Variants in SAMD3 observed in about 807,000 individuals in gnomAD.
SAMD3 encodes the protein sterile alpha motif domain containing 3.
A neutral mutation model predicts 58.5 loss-of-function variants in SAMD3; 63 were observed. That is an observed-to-expected ratio of 1.08 (90% CI 0.88 to 1.33). The LOEUF (loss-of-function observed/expected upper bound fraction) is 1.33. Among genes scored for constraint, SAMD3 ranks in the 40% most tolerant of loss-of-function variants. SAMD3 has a pLI of 0.00. For missense variants in SAMD3, 604 were observed against 608.4 expected, an observed-to-expected ratio of 0.99 and a Z score of 0.08; for synonymous variants, 220 against 210.3, an observed-to-expected ratio of 1.05 and a Z score of -0.40.
chr6:130,188,538 T>C (rs1793218281), intron 5 of SAMD3, among the ~76,000 whole-genome samples: 1 of 152,214 alleles, frequency 6.6e-6, no homozygotes, highest in Non-Finnish European at 1.5e-5. Context: ...CATTACCCTG[T>C]AGATTCGGCT....
intron 1 of SAMD3, among the ~76,000 whole-genome samples, chr6:130,314,305 AAG>A (rs1776285824): frequency 6.6e-6 from 1 of 152,228 alleles, no homozygotes; most frequent in Admixed American, 6.5e-5. Flanking sequence ...TATAGCCCTT[AAG>A]AGGCCCTGAA....
At chr6:130,270,841 CACTT>C (rs1774532753) in intron 2 of SAMD3, among the ~76,000 whole-genome samples, 3 of 152,212 alleles carry the variant, frequency 2.0e-5, no homozygotes, top group East Asian at 1.9e-4. Context: ...CTGCAGGAAA[CACTT>C]ACATACATAT....
At chr6:130,237,878 C>T (rs544313827) in intron 2 of SAMD3, among the ~76,000 whole-genome samples, 22 of 152,016 alleles carry the variant, frequency 1.4e-4, no homozygotes, top group Non-Finnish European at 2.1e-4. Flanking sequence ...TTAAAAGGAA[C>T]GCAAATGTAG....
chr6:130,345,887 C>T (rs1777435074), intron 1 of SAMD3, among the ~76,000 whole-genome samples: 1 of 152,180 alleles, frequency 6.6e-6, no homozygotes, highest in African/African-American at 2.4e-5. Context: ...GTCATTGTGC[C>T]TGTTCCCAAA....
At chr6:130,227,386 C>A (rs747889237), upstream of SAMD3, among the ~76,000 whole-genome samples, 12 of 152,130 alleles carry the variant, frequency 7.9e-5, no homozygotes, top group Admixed American at 3.3e-4. Flanking sequence ...GACATTTGGG[C>A]TTTTTCAATC....
At position 130,244,746 on chromosome 6, in the gene SAMD3, AAT is replaced by A. The variant is rs1362825726; in HGVS notation, c.-187-21935_-187-21934del. Among the ~76,000 whole-genome samples the A allele has an allele frequency of 1.3e-4, 6 of 47,158 alleles. No homozygotes were observed. In the African/African-American group the frequency reaches 1.4e-3, roughly 11 times the overall value. 30.9% of individuals were successfully genotyped at this position (47,158 alleles called of 152,430 possible). A position where few individuals can be genotyped will look rare whatever the true frequency, so the allele number is the denominator to read the frequency against. ...CAGGACGAGCCTGTCTCAAAAAAAA[AAT>A]AAAAATAAAAATAAAAATAAAAATA... On this transcript the variant is annotated intron_variant, in intron 2 of 13. Coordinates refer to the SAMD3 transcript ENST00000368134.
intron 2 of SAMD3, among the ~76,000 whole-genome samples, chr6:130,284,479 AGAGAG>A (rs1775091290): frequency 6.6e-6 from 1 of 151,988 alleles, no homozygotes; most frequent in Non-Finnish European, 1.5e-5. Flanking sequence ...AATCTGAAAA[AGAGAG>A]AGAGAGGGAG....
At chr6:130,242,590 AG>A (rs1278032506) in intron 2 of SAMD3, among the ~76,000 whole-genome samples, 2 of 152,218 alleles carry the variant, frequency 1.3e-5, no homozygotes, top group Non-Finnish European at 2.9e-5. Flanking sequence ...TGATGTTCAC[AG>A]GGAGGACCTC....
intron 1 of SAMD3, among the ~76,000 whole-genome samples, chr6:130,318,052 A>G (rs1776445106): frequency 6.6e-6 from 1 of 152,208 alleles, no homozygotes; most frequent in Non-Finnish European, 1.5e-5. Context: ...ACTGATCAAC[A>G]CATGCATGTT....
chr6:130,238,742 A>G (rs952504797), intron 2 of SAMD3, among the ~76,000 whole-genome samples: 1 of 152,008 alleles, frequency 6.6e-6, no homozygotes, highest in South Asian at 2.1e-4. Flanking sequence ...GATGGGAGAA[A>G]TGTTCTTAGT....
At chr6:130,154,182 T>G (rs1381994371) in intron 9 of SAMD3, among the ~76,000 whole-genome samples, 1 of 150,820 alleles carries the variant, frequency 6.6e-6, no homozygotes, top group Admixed American at 6.7e-5. Context: ...GACAGAGAAC[T>G]CTTTAGTTCT....
In SAMD3 at chr6:130,222,296, C is replaced by T. The variant is rs1796257097; in HGVS notation, c.-68+398G>A. On this transcript the variant is annotated intron_variant, in intron 1 of 11. Coordinates refer to ENST00000439090, the MANE Select transcript of SAMD3 (RefSeq NM_001017373.4). ...TGTGCCATAGCAATGGTCCGAATAGCAAATAAATTGGACAGATAAAATTTC... is the reference window on the plus strand; with the variant it reads ...TGTGCCATAGCAATGGTCCGAATAGTAAATAAATTGGACAGATAAAATTTC... Among the ~76,000 whole-genome samples, 3 of 152,110 alleles carry T rather than the reference C, an allele frequency of 2.0e-5. No individual in the cohort carries two copies. The South Asian group carries it at 6.2e-4, about 32-fold the overall frequency.
chr6:130,269,442 G>T (rs6569671), intron 2 of SAMD3, among the ~76,000 whole-genome samples: 73,205 of 151,936 alleles, frequency 0.48, 21,083 homozygotes, highest in African/African-American at 0.81. Flanking sequence ...TTTATTTCAG[G>T]AGTTTGTGAT....
rs758222319 is a variant in SAMD3 at position 130,184,534 on chromosome 6, C to T, written c.473G>A (p.Cys158Tyr). The change falls in exon 6 of 12, where the codon TGC becomes TAC. Residue 158 changes from cysteine (C) to tyrosine (Y), a missense_variant. Transcript: ENST00000439090. ...CGGGCACTTCTGCTCTGCTAACATG[C>T]ATTTGACATCATAGGGAAACTCTGG... The part of the protein sequence containing the change: ...VLPEFPYDVK[C>Y]MLAEQKCPDH... 1.2e-6 allele frequency: 2 copies of T among 1,614,110 alleles called. No homozygotes were observed. Among genetic ancestry groups the T allele is most frequent in the Non-Finnish European group, 1.7e-6 (2 of 1,179,954 alleles).
intron 2 of SAMD3, among the ~76,000 whole-genome samples, chr6:130,297,813 C>A (rs559519217): frequency 4.6e-5 from 7 of 152,238 alleles, no homozygotes; most frequent in African/African-American, 1.7e-4. Flanking sequence ...CTTTTGAATT[C>A]ACCCAGTCAG....
chr6:130,179,868 C>T (rs1422280555), intron 7 of SAMD3, among the ~76,000 whole-genome samples: 2 of 130,888 alleles, frequency 1.5e-5, no homozygotes, highest in Non-Finnish European at 3.1e-5. Context: ...GGCTAGAGTA[C>T]GACGACACTG....
At position 130,337,380 on chromosome 6, in the gene SAMD3, C is replaced by T. The variant is rs115157188; in HGVS notation, c.-303-24287G>A. Among the ~76,000 whole-genome samples, 133 of 152,272 alleles carry T rather than the reference C, an allele frequency of 8.7e-4. 1 individual carries two copies. The highest frequency in any genetic ancestry group is 3.1e-3 in the African/African-American group (127 of 41,544). On this transcript the variant is annotated intron_variant, in intron 1 of 13. Coordinates refer to the SAMD3 transcript ENST00000368134. Reference sequence around the variant, plus strand: ...CATGCAGAACTGTCAGTCAATAAGACGTGTCATAAAATGAGTCAATAAACC... The same window carrying T: ...CATGCAGAACTGTCAGTCAATAAGATGTGTCATAAAATGAGTCAATAAACC...
Position 130,336,172 on chromosome 6 carries a change from C to A in SAMD3, c.-303-23079G>T, listed in dbSNP as rs566416060. On this transcript the variant is annotated intron_variant, in intron 1 of 13. Coordinates refer to the SAMD3 transcript ENST00000368134. Reference sequence around the variant, plus strand: ...TAAAACTTAAAGTATAATAATAATACAATAAAATTTAAAAATTTAGTAATA... The same window carrying A: ...TAAAACTTAAAGTATAATAATAATAAAATAAAATTTAAAAATTTAGTAATA... 6.6e-5 allele frequency among the ~76,000 whole-genome samples: 10 copies of A among 152,026 alleles called. No individual in the cohort carries two copies. The South Asian group carries it at 1.9e-3, about 28-fold the overall frequency.
intron 5 of SAMD3, among the ~76,000 whole-genome samples, chr6:130,194,017 C>T (rs762782188): frequency 5.9e-5 from 9 of 152,234 alleles, no homozygotes; most frequent in African/African-American, 9.6e-5. Flanking sequence ...GGCTGCTTCT[C>T]GCCAGGTCGA....
Sources: allele counts gnomAD v4.1 joint callset (sites outside exome capture counted in the v4.1 genomes callset), GRCh38; gene constraint gnomAD v4.1.1; transcripts MANE v1.5; gene names NCBI Gene and HGNC (gene_info 2026-07-23, HGNC 2026-07-21).